LRRFIP1: variants seen among roughly 807,000 people sequenced by gnomAD.
The protein encoded by LRRFIP1 is leucine-rich repeat flightless-interacting protein 1.
A neutral mutation model predicts 104.4 loss-of-function variants in LRRFIP1; 62 were observed. That is an observed-to-expected ratio of 0.59 (90% CI 0.48 to 0.73). The LOEUF is 0.73. LRRFIP1 is among the 30% of genes least tolerant of loss of function. The pLI is 0.00. For synonymous variants in LRRFIP1, 300 were observed against 299.0 expected (o/e 1.00, Z -0.03); for missense variants, 796 against 824.5 (o/e 0.97, Z 0.42).
intron 1 of LRRFIP1, among the ~76,000 whole-genome samples, chr2:237,666,325 T>C (rs2089238126): frequency 6.6e-6 from 1 of 152,280 alleles, no homozygotes; most frequent in Non-Finnish European, 1.5e-5. Context: ...AAATTCTTTT[T>C]AGGTTTCTTT....
chr2:237,655,554 T>C (rs1310416439), intron 1 of LRRFIP1, among the ~76,000 whole-genome samples: 3 of 152,246 alleles, frequency 2.0e-5, no homozygotes, highest in Non-Finnish European at 4.4e-5. Context: ...TTCCTGTTGC[T>C]GTGAAAGTTA....
At chr2:237,778,655 G>T (rs1032240833) in intron 23 of LRRFIP1, among the ~76,000 whole-genome samples, 1 of 152,194 alleles carries the variant, frequency 6.6e-6, no homozygotes, top group African/African-American at 2.4e-5. Flanking sequence ...TGTGGCTCAC[G>T]CCTGTAATCC....
chr2:237,662,204 C>A (rs904986035), intron 1 of LRRFIP1, among the ~76,000 whole-genome samples: 5 of 152,112 alleles, frequency 3.3e-5, no homozygotes, highest in Non-Finnish European at 5.9e-5. Context: ...CTCCACGTGG[C>A]CCCCTCCCTG....
chr2:237,761,960 C>A (rs994271271), intron 19 of LRRFIP1, among the ~76,000 whole-genome samples: 5 of 152,162 alleles, frequency 3.3e-5, no homozygotes, highest in African/African-American at 1.2e-4. Flanking sequence ...GGTCCTCTCT[C>A]CCTAGTCCCT....
chr2:237,642,947 C>G (rs186678386), intron 1 of LRRFIP1, among the ~76,000 whole-genome samples: 5 of 152,244 alleles, frequency 3.3e-5, no homozygotes, highest in African/African-American at 9.6e-5. Flanking sequence ...CAAGTCCGCC[C>G]CCGTTTTACC....
chr2:237,638,780 T>C (rs531551401), intron 1 of LRRFIP1, among the ~76,000 whole-genome samples: 1 of 152,348 alleles, frequency 6.6e-6, no homozygotes, highest in East Asian at 1.9e-4. Context: ...AATTCCCTTG[T>C]GGAAATACAT....
rs2093634430 is a variant in LRRFIP1 at position 237,703,317 on chromosome 2, C to T, written c.97-5227C>T. ...CGCTGCAGCCCAGCCCGTTCCTGTCCCCATGCTGGAAGCAGCCTGTCAACT... is the reference window on the plus strand; with the variant it reads ...CGCTGCAGCCCAGCCCGTTCCTGTCTCCATGCTGGAAGCAGCCTGTCAACT... On this transcript the variant is annotated intron_variant, in intron 1 of 23. Transcript: ENST00000308482. The surrounding 1 kb of genome is among the most constrained non-coding windows in gnomAD (Gnocchi z 4.3). Among the ~76,000 whole-genome samples, 1 of 152,194 alleles carries T rather than the reference C, an allele frequency of 6.6e-6. No individual in the cohort carries two copies. Among genetic ancestry groups the T allele is most frequent in the South Asian group, 2.1e-4 (1 of 4,830 alleles).
chr2:237,633,150 G>T (rs142678296), intron 1 of LRRFIP1, among the ~76,000 whole-genome samples: 6 of 152,142 alleles, frequency 3.9e-5, no homozygotes, highest in Non-Finnish European at 7.4e-5. Context: ...GAACCCAGCC[G>T]CAGTGGAGTC....
chr2:237,771,959 A>G, intron 20 of LRRFIP1, 122 bp from the exon 21 acceptor site: 1 of 656,642 alleles, frequency 1.5e-6, no homozygotes, highest in Non-Finnish European at 2.8e-6. Context: ...AAGAGTACTG[A>G]TGGACACAAA....
chr2:237,631,164 C>T (rs1316590895), intron 1 of LRRFIP1, among the ~76,000 whole-genome samples: 2 of 152,230 alleles, frequency 1.3e-5, no homozygotes, highest in Non-Finnish European at 2.9e-5. Context: ...AGGGAGTGGG[C>T]TGCCACTTGG....
Position 237,781,276 on chromosome 2 carries a change from T to G in LRRFIP1, c.*1744T>G, listed in dbSNP as rs2061423017. ...GGCAGCATGCTGACGCTTTTAGGTA[T>G]TTTTCACTCATGCAATTTTCACATA... On this transcript the variant is annotated 3_prime_UTR_variant, in exon 24 of 24. Transcript: ENST00000308482. Among the ~76,000 whole-genome samples, 1 of 152,224 alleles carries G rather than the reference T, an allele frequency of 6.6e-6. No homozygotes were observed. Among genetic ancestry groups the G allele is most frequent in the Non-Finnish European group, 1.5e-5 (1 of 68,040 alleles).
rs897065550 is a variant in LRRFIP1 at position 237,766,435 on chromosome 2, T to C, written c.1460-3508T>C. Among the ~76,000 whole-genome samples the C allele has an allele frequency of 7.9e-5, 12 of 152,212 alleles. No homozygotes were observed. The highest frequency in any genetic ancestry group is 1.5e-4 in the Non-Finnish European group (10 of 68,032). ...GCATACTGGAAACAGCTCTCATTCC[T>C]ACCTTTAAAGGGCTCTTGGAAAGCA... On this transcript the variant is annotated intron_variant, in intron 19 of 23. Coordinates refer to ENST00000308482, the MANE Select transcript of LRRFIP1 (RefSeq NM_001137550.2). The surrounding 1 kb of genome is among the most constrained non-coding windows in gnomAD (Gnocchi z 4.8).
At chr2:237,730,441 T>G (rs1436996487) in intron 8 of LRRFIP1, among the ~76,000 whole-genome samples, 1 of 152,048 alleles carries the variant, frequency 6.6e-6, no homozygotes, top group African/African-American at 2.4e-5. Context: ...CTAGTTTAGG[T>G]AGGAAAATCA....
intron 1 of LRRFIP1, among the ~76,000 whole-genome samples, chr2:237,697,893 G>A (rs1025545140): frequency 2.0e-5 from 3 of 152,172 alleles, no homozygotes; most frequent in African/African-American, 7.2e-5. Context: ...GCAATTGAAG[G>A]AAATATGAAG....
At chr2:237,743,017 A>AC (rs554784895) in intron 11 of LRRFIP1, among the ~76,000 whole-genome samples, 138 of 146,266 alleles carry the variant, frequency 9.4e-4, no homozygotes, top group South Asian at 8.8e-3. Context: ...GCAAAAAGAA[A>AC]CCCCCCCAAA....
In LRRFIP1 at chr2:237,759,995, T is replaced by C. The variant is rs1237164791; in HGVS notation, c.1318-69T>C. ...GAAAAAATGGTTTTCTTTTTTATTA[T>C]TGTATTAAAACAGAGTTTAACCTAA... is the stretch of plus-strand genomic sequence containing the variant. On this transcript the variant is annotated intron_variant, in intron 18 of 23. Transcript: ENST00000308482. 4.2e-6 allele frequency: 6 copies of C among 1,441,228 alleles called. No homozygotes were observed. The Admixed American group carries it at 7.6e-5, about 18-fold the overall frequency. 89.3% of individuals were successfully genotyped at this position (1,441,228 alleles called of 1,614,324 possible).
intron 2 of LRRFIP1, among the ~76,000 whole-genome samples, chr2:237,713,695 T>A (rs1032850586): frequency 1.3e-5 from 2 of 152,220 alleles, no homozygotes; most frequent in African/African-American, 4.8e-5. Flanking sequence ...ACTACAAAAT[T>A]AAAAGAAACC....
At position 237,763,416 on chromosome 2, in the gene LRRFIP1, A is replaced by C. The variant is rs1458395462; in HGVS notation, c.1459+3211A>C. On this transcript the variant is annotated intron_variant, in intron 19 of 23. Coordinates refer to ENST00000308482, the MANE Select transcript of LRRFIP1 (RefSeq NM_001137550.2). ...GAGGCATTGGACTCATCGCAGAAGA[A>C]GACAAAGAACAAGAAAAAGAAAAAC... is the stretch of plus-strand genomic sequence containing the variant. 3 of 1,613,916 alleles carry C rather than the reference A, an allele frequency of 1.9e-6. No homozygotes were observed. Among genetic ancestry groups the C allele is most frequent in the Non-Finnish European group, 2.5e-6 (3 of 1,180,022 alleles).
intron 2 of LRRFIP1, chr2:237,708,886 C>T (rs989531306): frequency 8.2e-5 from 50 of 607,222 alleles, no homozygotes; most frequent in Middle Eastern, 5.2e-4. Context: ...ATCGTCGTTT[C>T]TAGCTGCGAG....
Sources: allele counts gnomAD v4.1 joint callset (sites outside exome capture counted in the v4.1 genomes callset), GRCh38; gene constraint gnomAD v4.1.1; non-coding constraint Gnocchi (gnomAD v3.1); transcripts MANE v1.5; gene names NCBI Gene and HGNC (gene_info 2026-07-23, HGNC 2026-07-21).